The following COL5A3 variants were observed in gnomAD, a reference collection of about 807,000 sequenced individuals.
COL5A3 encodes the protein collagen type V alpha 3 chain, also known as collagen alpha-3(V) chain.
Under a neutral mutation model 250.0 loss-of-function variants are expected in COL5A3, and 172 were observed. The observed-to-expected ratio is 0.69, with a 90% CI of 0.61 to 0.78. The LOEUF is 0.78. Ranked by LOEUF, COL5A3 falls within the 30% of genes least tolerant of loss-of-function variation. The pLI is 0.00. For synonymous variants in COL5A3, 937 were observed against 900.4 expected (o/e 1.04, Z -0.73); for missense variants, 2,340 against 2,334.4 (o/e 1.00, Z -0.05).
chr19:9,960,206 G>T lies in COL5A3; in HGVS notation c.*205C>A. Reference sequence around the variant, plus strand: ...ACTGCAGTATGCCACCTGGAATGGGGTGAGAGGAGGCTGGACCCTTGGGCC... The same window carrying T: ...ACTGCAGTATGCCACCTGGAATGGGTTGAGAGGAGGCTGGACCCTTGGGCC... On this transcript the variant is annotated 3_prime_UTR_variant, in exon 67 of 67. Coordinates refer to ENST00000264828, the MANE Select transcript of COL5A3 (RefSeq NM_015719.4). 3.2e-6 allele frequency: 2 copies of T among 627,574 alleles called. No individual in the cohort carries two copies. Among genetic ancestry groups the T allele is most frequent in the Non-Finnish European group, 2.7e-6 (1 of 364,502 alleles). The allele number at this position is 627,574 out of a possible 1,614,324, so 38.9% of individuals were successfully genotyped here.
intron 9 of COL5A3, 35 bp from the exon 10 acceptor site, chr19:9,998,060 A>T (rs1376527989): frequency 6.2e-7 from 1 of 1,613,910 alleles, no homozygotes; most frequent in Admixed American, 1.7e-5. Flanking sequence ...GACCGCTGTC[A>T]TCATGAAGCC....
At chr19:10,008,247 A>C (rs111699646) in intron 1 of COL5A3, among the ~76,000 whole-genome samples, 1 of 152,152 alleles carries the variant, frequency 6.6e-6, no homozygotes, top group Non-Finnish European at 1.5e-5. Flanking sequence ...CTGCAGAGGA[A>C]AGAGGGTCTT....
At chr19:9,977,961 TA>T (rs781520070) in intron 41 of COL5A3, among the ~76,000 whole-genome samples, 6,252 of 61,790 alleles carry the variant, frequency 0.1, 374 homozygotes, top group Middle Eastern at 0.14. Context: ...TATATATATA[TA>T]TATATATATA....
chr19:9,971,370 G>A (rs2086844253), intron 51 of COL5A3, 112 bp from the exon 52 acceptor site: 3 of 771,068 alleles, frequency 3.9e-6, no homozygotes, highest in Non-Finnish European at 6.2e-6. Context: ...ACACATTAGT[G>A]AACAAAACAT....
intron 31 of COL5A3, among the ~76,000 whole-genome samples, chr19:9,984,804 T>A (rs956333165): frequency 2.6e-5 from 4 of 151,968 alleles, no homozygotes; most frequent in East Asian, 1.9e-4. Context: ...TTTAAAAAAA[T>A]TTTTGAGACA....
At chr19:10,003,763 C>A (rs1191412947) in intron 5 of COL5A3, 49 bp from the exon 6 acceptor site, 1 of 1,606,380 alleles carries the variant, frequency 6.2e-7, no homozygotes. Context: ...CAGCAGAGAC[C>A]CCATCATTCA....
chr19:9,992,280 AGGCAT>A (rs2087205344), intron 21 of COL5A3, among the ~76,000 whole-genome samples: 1 of 152,060 alleles, frequency 6.6e-6, no homozygotes, highest in African/African-American at 2.4e-5. Flanking sequence ...AAAATTAGCC[AGGCAT>A]GTAATCTCAG....
intron 62 of COL5A3, 141 bp from the exon 63 acceptor site, chr19:9,966,887 T>C (rs975319851): frequency 1.4e-5 from 9 of 663,466 alleles, no homozygotes; most frequent in Non-Finnish European, 2.3e-5. Flanking sequence ...GGGGCAGAGA[T>C]AGAGAAAGGA....
At chr19:9,970,592 T>C (rs750977088) in intron 54 of COL5A3, 30 bp downstream of exon 54, 1 of 1,395,850 alleles carries the variant, frequency 7.2e-7, no homozygotes, top group Non-Finnish European at 9.4e-7. Context: ...GTAGATAAGC[T>C]GAGGACCCAG....
chr19:9,993,804 G>A lies in COL5A3; in HGVS notation c.1590C>T (p.Gly530=), dbSNP rs1482579079. 1.2e-6 allele frequency: 2 copies of A among 1,613,964 alleles called. No individual in the cohort carries two copies. Among genetic ancestry groups the A allele is most frequent in the Non-Finnish European group, 1.7e-6 (2 of 1,179,950 alleles). ...HGPPGRVGKM[G]RPGADGARGL... Reference sequence around the variant, plus strand: ...CCCGAGCTCCATCTGCTCCAGGGCGGCCCTATGGAGAAAGTAAGCCCAAGA... The same window carrying A: ...CCCGAGCTCCATCTGCTCCAGGGCGACCCTATGGAGAAAGTAAGCCCAAGA... Residue 530 remains glycine (G), a splice_region_variant and synonymous_variant, in exon 17 of 67, where the codon GGC becomes GGT. Coordinates refer to ENST00000264828, the MANE Select transcript of COL5A3 (RefSeq NM_015719.4).
intron 31 of COL5A3, among the ~76,000 whole-genome samples, chr19:9,984,932 C>T (rs2087075191): frequency 7.0e-6 from 1 of 142,250 alleles, no homozygotes; most frequent in South Asian, 2.2e-4. Context: ...GCTGGGACCA[C>T]ATCTGGCTAA....
chr19:10,005,818 G>T lies in COL5A3; in HGVS notation c.415C>A (p.Gln139Lys), dbSNP rs555557379. The change falls in exon 3 of 67, where the codon CAG becomes AAG. Residue 139 changes from glutamine (Q) to lysine (K), a missense_variant. By Grantham distance (53) the Gln-to-Lys change is moderately conservative. Coordinates refer to ENST00000264828, the MANE Select transcript of COL5A3 (RefSeq NM_015719.4). Reference protein sequence around the residue: ...LGDPFRPLPQQVNLTDGRWHR... With the variant: ...LGDPFRPLPQKVNLTDGRWHR... ...CACCTGCCATCTGTGAGGTTGACCT[G>T]CTGGGGGAGGGGGCGGAAGGGGTCA... 3.7e-6 allele frequency: 6 copies of T among 1,612,146 alleles called. No homozygotes were observed. Among genetic ancestry groups the T allele is most frequent in the Admixed American group, 3.3e-5 (2 of 59,888 alleles).
At chr19:9,970,228 G>T (rs147768214) in intron 54 of COL5A3, among the ~76,000 whole-genome samples, 1 of 31,138 alleles carries the variant, frequency 3.2e-5, no homozygotes, top group African/African-American at 2.3e-4. Context: ...AGTGGGGGCT[G>T]TGGGGTGAGT....
Position 9,997,406 on chromosome 19 carries a change from C to A in COL5A3, c.1228G>T (p.Gly410Cys). The change falls in exon 11 of 67, where the codon GGC becomes TGC. Residue 410 changes from glycine to cysteine, a missense_variant. By Grantham distance (159) the Gly-to-Cys change is radical. Transcript: ENST00000264828. Reference sequence around the variant, plus strand: ...GGGTCGCCAGGGAATCCTGGGGGGCCGGGAGGGCCTGAGGGGCCAACCACC... The same window carrying A: ...GGGTCGCCAGGGAATCCTGGGGGGCAGGGAGGGCCTGAGGGGCCAACCACC... Reference protein sequence around the residue: ...QGVVGPSGPPGPPGFPGDPGP... With the variant: ...QGVVGPSGPPCPPGFPGDPGP... 1 of 1,609,972 alleles carries A rather than the reference C, an allele frequency of 6.2e-7. No individual in the cohort carries two copies. Among genetic ancestry groups the A allele is most frequent in the Non-Finnish European group, 8.5e-7 (1 of 1,178,622 alleles).
At chr19:9,998,257 C>T (rs1346662666) in intron 8 of COL5A3, 108 bp from the exon 9 acceptor site, 27 of 1,011,142 alleles carry the variant, frequency 2.7e-5, no homozygotes, top group Non-Finnish European at 3.3e-5. Flanking sequence ...CACACACACA[C>T]GGAGTCCACC....
chr19:9,993,148 CA>C (rs2087218902), intron 19 of COL5A3, 81 bp from the exon 20 acceptor site: 3 of 1,452,212 alleles, frequency 2.1e-6, no homozygotes, highest in Non-Finnish European at 2.9e-6. Context: ...CAGCCCCTTC[CA>C]GGGGGTCTCG....
intron 9 of COL5A3, 27 bp from the exon 10 acceptor site, chr19:9,998,052 C>T (rs1156822964): frequency 6.2e-7 from 1 of 1,614,000 alleles, no homozygotes; most frequent in Admixed American, 1.7e-5. Context: ...GTGTCGGTGA[C>T]CGCTGTCATC....
At chr19:9,966,955 G>A (rs2086757723) in intron 62 of COL5A3, among the ~76,000 whole-genome samples, 1 of 152,124 alleles carries the variant, frequency 6.6e-6, no homozygotes, top group Non-Finnish European at 1.5e-5. Context: ...CAGAGATGGG[G>A]AGAAGCCAAG....
intron 32 of COL5A3, among the ~76,000 whole-genome samples, chr19:9,981,637 A>G (rs1185568545): frequency 6.6e-6 from 1 of 152,200 alleles, no homozygotes; most frequent in Admixed American, 6.5e-5. Flanking sequence ...TAGCAACACA[A>G]ATACAATACA....
Sources: gnomAD v4.1 joint callset for allele counts (sites outside exome capture counted in the v4.1 genomes callset) on GRCh38, gnomAD v4.1.1 for gene constraint, MANE v1.5 for transcripts, NCBI Gene and HGNC (gene_info 2026-07-23, HGNC 2026-07-21) for gene names.